The following CHRM3 variants were observed in gnomAD, a reference collection of about 807,000 sequenced individuals.
CHRM3 encodes the protein cholinergic receptor muscarinic 3.
A neutral mutation model predicts 41.8 loss-of-function variants in CHRM3; 11 were observed. The ratio of observed to expected loss-of-function variants is 0.26; its 90% CI spans 0.17 to 0.44. CHRM3 has a LOEUF of 0.44. CHRM3 is among the 20% of genes least tolerant of loss of function. The pLI, the probability that CHRM3 is intolerant of heterozygous loss-of-function variation, is 1.00. For missense variants in CHRM3, 571 were observed against 745.4 expected (o/e 0.77, Z 2.72); for synonymous variants, 297 against 301.4 (o/e 0.99, Z 0.15).
intron 4 of CHRM3, among the ~76,000 whole-genome samples, chr1:239,661,643 G>A (rs145530076): frequency 6.9e-4 from 105 of 152,282 alleles, no homozygotes; most frequent in African/African-American, 2.4e-3. Flanking sequence ...ATGACTGGTT[G>A]CCAAGAGTTA....
At chr1:239,499,362 G>A (rs1668079854) in intron 2 of CHRM3, among the ~76,000 whole-genome samples, 1 of 152,136 alleles carries the variant, frequency 6.6e-6, no homozygotes, top group African/African-American at 2.4e-5. Context: ...TTCAGGCAGA[G>A]GGAGGAGCTG....
At chr1:239,863,237 A>G (rs1439084121) in intron 6 of CHRM3, among the ~76,000 whole-genome samples, 3 of 152,170 alleles carry the variant, frequency 2.0e-5, no homozygotes, top group African/African-American at 7.2e-5. Context: ...AGGCCTTGCT[A>G]CCATAAAGGT....
chr1:239,648,056 C>T (rs934001238), intron 4 of CHRM3, among the ~76,000 whole-genome samples: 2 of 152,074 alleles, frequency 1.3e-5, no homozygotes, highest in Non-Finnish European at 2.9e-5. Flanking sequence ...AAACTAGTTT[C>T]CTCAGTATGT....
chr1:239,913,033 G>A lies in CHRM3; in HGVS notation c.*3809G>A, dbSNP rs1261655521. 2.4e-5 allele frequency: 4 copies of A among 167,166 alleles called. No homozygotes were observed. The East Asian group carries it at 5.8e-4, about 24-fold the overall frequency. The allele number at this position is 167,166 out of a possible 1,614,324, so 10.4% of individuals were successfully genotyped here. On this transcript the variant is annotated 3_prime_UTR_variant, in exon 7 of 7. Coordinates refer to ENST00000676153, the MANE Select transcript of CHRM3 (RefSeq NM_001375978.1). ...TGATGCCAAATCGGTCAAAACTGAG[G>A]TCAGCAGCTACCATGACGAAAGTAA...
intron 5 of CHRM3, among the ~76,000 whole-genome samples, chr1:239,769,166 G>A (rs1476848418): frequency 2.0e-5 from 3 of 152,134 alleles, no homozygotes; most frequent in Non-Finnish European, 4.4e-5. Flanking sequence ...AAAGTGGCAG[G>A]GATATTGACA....
chr1:239,854,160 T>G (rs1477371797), intron 6 of CHRM3, among the ~76,000 whole-genome samples: 1 of 152,094 alleles, frequency 6.6e-6, no homozygotes, highest in African/African-American at 2.4e-5. Flanking sequence ...AAATAAAATG[T>G]AGGCTGCCAT....
At chr1:239,610,515 A>C (rs766553663) in intron 3 of CHRM3, among the ~76,000 whole-genome samples, 65 of 152,272 alleles carry the variant, frequency 4.3e-4, no homozygotes, top group Non-Finnish European at 8.1e-4. Context: ...CATGCAAAAC[A>C]TTGTAGCTGC....
intron 6 of CHRM3, among the ~76,000 whole-genome samples, chr1:239,846,688 A>G (rs1252833250): frequency 1.3e-5 from 2 of 152,172 alleles, no homozygotes; most frequent in Non-Finnish European, 2.9e-5. Flanking sequence ...TTATACCCAC[A>G]ATTTTTTTAA....
At chr1:239,397,608 G>C (rs1659598560) in intron 1 of CHRM3, among the ~76,000 whole-genome samples, 1 of 151,480 alleles carries the variant, frequency 6.6e-6, no homozygotes. Context: ...GGAGGCAGAG[G>C]TTGCAGTGAG....
chr1:239,890,216 G>A (rs1035068481), intron 6 of CHRM3, among the ~76,000 whole-genome samples: 12 of 151,992 alleles, frequency 7.9e-5, no homozygotes, highest in South Asian at 4.2e-4. Context: ...CAGGAGAATC[G>A]CTTGAACCTG....
intron 6 of CHRM3, among the ~76,000 whole-genome samples, chr1:239,876,579 G>A (rs1235904420): frequency 6.6e-6 from 1 of 152,184 alleles, no homozygotes; most frequent in African/African-American, 2.4e-5. Context: ...GACATTCATA[G>A]ATATACATCT....
intron 3 of CHRM3, among the ~76,000 whole-genome samples, chr1:239,562,982 T>A (rs1661022964): frequency 6.6e-6 from 1 of 151,268 alleles, no homozygotes; most frequent in Non-Finnish European, 1.5e-5. Flanking sequence ...CGAAATGGAA[T>A]AAACTGAAAT....
intron 3 of CHRM3, among the ~76,000 whole-genome samples, chr1:239,548,515 C>T (rs1238588585): frequency 1.3e-5 from 2 of 152,210 alleles, no homozygotes; most frequent in African/African-American, 2.4e-5. Context: ...TGCACACACC[C>T]ATTTATTCTT....
chr1:239,530,591 T>C (rs1341632060), intron 2 of CHRM3, among the ~76,000 whole-genome samples: 2 of 152,200 alleles, frequency 1.3e-5, no homozygotes, highest in Non-Finnish European at 2.9e-5. Flanking sequence ...ATAGTAAGTA[T>C]GGCCTAAGAA....
chr1:239,537,678 T>C (rs919489271), intron 2 of CHRM3, among the ~76,000 whole-genome samples: 8 of 152,362 alleles, frequency 5.3e-5, no homozygotes, highest in African/African-American at 1.9e-4. Context: ...TTTAGTTGAA[T>C]AGCTCTCCAA....
intron 3 of CHRM3, among the ~76,000 whole-genome samples, chr1:239,618,923 ATT>A (rs532170557): frequency 8.2e-4 from 116 of 142,126 alleles, no homozygotes; most frequent in African/African-American, 2.9e-3. Flanking sequence ...TTATTTATTT[ATT>A]TATTTTTGAG....
intron 5 of CHRM3, among the ~76,000 whole-genome samples, chr1:239,691,637 T>A (rs946510270): frequency 1.9e-4 from 29 of 152,214 alleles, no homozygotes; most frequent in African/African-American, 6.5e-4. Flanking sequence ...CAGTTTTAAA[T>A]GTTATATATT....
chr1:239,431,269 A>G (rs889904408), intron 1 of CHRM3, among the ~76,000 whole-genome samples: 1 of 152,136 alleles, frequency 6.6e-6, no homozygotes, highest in Non-Finnish European at 1.5e-5. Context: ...ACTCATGTTA[A>G]CTATATAGTA....
chr1:239,489,400 G>A (rs930145420), intron 1 of CHRM3, among the ~76,000 whole-genome samples: 1 of 150,380 alleles, frequency 6.6e-6, no homozygotes, highest in Non-Finnish European at 1.5e-5. Context: ...GCAACAGAGC[G>A]AGACTCTGTC....
Sources: gnomAD v4.1 joint callset for allele counts (sites outside exome capture counted in the v4.1 genomes callset) on GRCh38, gnomAD v4.1.1 for gene constraint, MANE v1.5 for transcripts, NCBI Gene and HGNC (gene_info 2026-07-23, HGNC 2026-07-21) for gene names.